The following HS3ST4 variants were observed in gnomAD, a reference collection of about 807,000 sequenced individuals.
The protein encoded by HS3ST4 is heparan sulfate glucosamine 3-O-sulfotransferase 4.
Under a neutral mutation model 29.2 loss-of-function variants are expected in HS3ST4, and 17 were observed. That is an observed-to-expected ratio of 0.58 (90% CI 0.40 to 0.87). The LOEUF (loss-of-function observed/expected upper bound fraction) is 0.87. HS3ST4 is among the 40% of genes least tolerant of loss of function. HS3ST4 has a pLI of 0.00. For synonymous variants in HS3ST4, 314 were observed against 285.7 expected, an observed-to-expected ratio of 1.10 and a Z score of -1.00; for missense variants, 627 against 634.5, an observed-to-expected ratio of 0.99 and a Z score of 0.13.
In HS3ST4 at chr16:25,862,430, T is replaced by A. The variant is rs1967647686; in HGVS notation, c.734+169279T>A. On this transcript the variant is annotated intron_variant, in intron 1 of 1. Transcript: ENST00000331351. ...CTGGTCTCGAACTCTTGACCTCAAG[T>A]GATCCACCTGCCTGGGTCTCCCAAA... Among the ~76,000 whole-genome samples, 3 of 152,154 alleles carry A rather than the reference T, an allele frequency of 2.0e-5. No homozygotes were observed. In the South Asian group the frequency reaches 6.2e-4, roughly 32 times the overall value.
intron 1 of HS3ST4, among the ~76,000 whole-genome samples, chr16:25,911,036 CTT>C (rs1343163458): frequency 6.6e-6 from 1 of 152,148 alleles, no homozygotes; most frequent in Non-Finnish European, 1.5e-5. Context: ...ATATTGGACT[CTT>C]TGGCAATGGA....
intron 1 of HS3ST4, among the ~76,000 whole-genome samples, chr16:26,064,932 T>C (rs1322286558): frequency 1.3e-5 from 2 of 152,196 alleles, no homozygotes; most frequent in Non-Finnish European, 2.9e-5. Context: ...GTAGTCTTAA[T>C]TATGTGGCTG....
chr16:25,733,369 G>T (rs972883005), intron 1 of HS3ST4, among the ~76,000 whole-genome samples: 1 of 152,080 alleles, frequency 6.6e-6, no homozygotes, highest in African/African-American at 2.4e-5. Flanking sequence ...TTGCTGGTAG[G>T]TCCCTGTGCA....
intron 1 of HS3ST4, among the ~76,000 whole-genome samples, chr16:25,888,166 A>T (rs1967974018): frequency 2.0e-5 from 3 of 152,116 alleles, no homozygotes; most frequent in Non-Finnish European, 4.4e-5. Context: ...GGCCTGCTTC[A>T]TCTGGGCTAT....
At chr16:25,766,744 G>A (rs1446270842) in intron 1 of HS3ST4, among the ~76,000 whole-genome samples, 21 of 152,296 alleles carry the variant, frequency 1.4e-4, no homozygotes, top group South Asian at 8.3e-4. Flanking sequence ...GCAAGCAGGC[G>A]ATACAAGCAA....
At chr16:25,728,466 TAAATA>T (rs1413716367) in intron 1 of HS3ST4, among the ~76,000 whole-genome samples, 24 of 152,288 alleles carry the variant, frequency 1.6e-4, no homozygotes, top group African/African-American at 5.1e-4. Context: ...TTGATTGGAT[TAAATA>T]AAATAAAGTA....
chr16:25,868,877 T>A (rs1967721621), intron 1 of HS3ST4, among the ~76,000 whole-genome samples: 1 of 152,110 alleles, frequency 6.6e-6, no homozygotes, highest in African/African-American at 2.4e-5. Context: ...GTAGGGAGGT[T>A]CCCTGGTAGG....
chr16:26,081,727 A>G (rs1898725898), intron 1 of HS3ST4, among the ~76,000 whole-genome samples: 1 of 151,918 alleles, frequency 6.6e-6, no homozygotes, highest in Non-Finnish European at 1.5e-5. Flanking sequence ...CCAGGAAGAG[A>G]ACAAGCCACT....
chr16:26,034,573 C>T (rs1396841197), intron 1 of HS3ST4, among the ~76,000 whole-genome samples: 1 of 152,028 alleles, frequency 6.6e-6, no homozygotes, highest in Non-Finnish European at 1.5e-5. Context: ...TGCTCTCTGT[C>T]CTGGACCCTT....
At chr16:25,910,460 G>A (rs1968227635) in intron 1 of HS3ST4, among the ~76,000 whole-genome samples, 1 of 152,184 alleles carries the variant, frequency 6.6e-6, no homozygotes, top group South Asian at 2.1e-4. Context: ...GGCCAATATG[G>A]TGAAACCCTG....
chr16:25,806,524 A>G (rs113948458), intron 1 of HS3ST4, among the ~76,000 whole-genome samples: 280 of 152,282 alleles, frequency 1.8e-3, no homozygotes, highest in Middle Eastern at 0.01. Context: ...AGTGAACACA[A>G]TCCATTTTAT....
chr16:25,699,489 T>C (rs576989982), intron 1 of HS3ST4, among the ~76,000 whole-genome samples: 9 of 152,354 alleles, frequency 5.9e-5, no homozygotes, highest in African/African-American at 1.9e-4. Context: ...ATCGATAACT[T>C]GCACTTATAA....
chr16:26,009,147 C>T (rs1305938748), intron 1 of HS3ST4, among the ~76,000 whole-genome samples: 1 of 152,144 alleles, frequency 6.6e-6, no homozygotes, highest in Non-Finnish European at 1.5e-5. Context: ...TAATATTTCC[C>T]TTTCTTTGCT....
intron 1 of HS3ST4, among the ~76,000 whole-genome samples, chr16:26,098,511 A>T (rs1056648317): frequency 1.3e-5 from 2 of 152,104 alleles, no homozygotes; most frequent in East Asian, 3.9e-4. Flanking sequence ...GCATGTTCTC[A>T]CTCATGGGTG....
At chr16:25,751,978 C>T (rs1966724028) in intron 1 of HS3ST4, among the ~76,000 whole-genome samples, 1 of 148,968 alleles carries the variant, frequency 6.7e-6, no homozygotes, top group Non-Finnish European at 1.5e-5. Context: ...TTTAAATCTA[C>T]TCAACTGCTT....
At position 26,136,528 on chromosome 16, in the gene HS3ST4, C is replaced by A. The variant is rs1360526433; in HGVS notation, c.*280C>A. On this transcript the variant is annotated 3_prime_UTR_variant, in exon 2 of 2. Coordinates refer to ENST00000331351, the MANE Select transcript of HS3ST4 (RefSeq NM_006040.3). ...TCTTATCTTCTGCTAGTTAATATAG[C>A]CTGAAGACAGAGGATAAATAGTTGT... The A allele has an allele frequency of 2.1e-6, 1 of 479,220 alleles. No homozygotes were observed. Among genetic ancestry groups the A allele is most frequent in the African/African-American group, 1.9e-5 (1 of 51,688 alleles). The allele number at this position is 479,220 out of a possible 1,614,324, so 29.7% of individuals were successfully genotyped here.
At chr16:26,063,284 C>T (rs1451722851) in intron 1 of HS3ST4, among the ~76,000 whole-genome samples, 2 of 152,122 alleles carry the variant, frequency 1.3e-5, no homozygotes, top group African/African-American at 4.8e-5. Flanking sequence ...CCAACATCTT[C>T]CTCCCCAACC....
At chr16:25,824,030 C>T (rs1967190567) in intron 1 of HS3ST4, among the ~76,000 whole-genome samples, 1 of 152,204 alleles carries the variant, frequency 6.6e-6, no homozygotes, top group East Asian at 1.9e-4. Flanking sequence ...TGAGGAAGCA[C>T]TGTGCCTGGC....
chr16:25,728,452 G>T (rs1476265441), intron 1 of HS3ST4, among the ~76,000 whole-genome samples: 1 of 152,120 alleles, frequency 6.6e-6, no homozygotes, highest in African/African-American at 2.4e-5. Context: ...TTGCCATATC[G>T]CTGTTGATTG....
Sources: gnomAD v4.1 joint callset for allele counts (sites outside exome capture counted in the v4.1 genomes callset) on GRCh38, gnomAD v4.1.1 for gene constraint, MANE v1.5 for transcripts, NCBI Gene and HGNC (gene_info 2026-07-23, HGNC 2026-07-21) for gene names.